Variants in RAI14 observed in about 807,000 individuals in gnomAD.
The protein encoded by RAI14 is retinoic acid induced 14.
Under a neutral mutation model 115.4 loss-of-function variants are expected in RAI14, and 45 were observed. The observed-to-expected ratio is 0.39, with a 90% CI of 0.31 to 0.50. The LOEUF is 0.50. Among genes scored for constraint, RAI14 ranks in the 20% least tolerant of loss-of-function variants. The probability of loss-of-function intolerance (pLI) is 0.85; values close to 1 mark genes in which losing one functional copy is unlikely to be tolerated. For synonymous variants in RAI14, 371 were observed against 415.4 expected (o/e 0.89, Z 1.30); for missense variants, 939 against 1,131.2 (o/e 0.83, Z 2.44).
intron 3 of RAI14, among the ~76,000 whole-genome samples, chr5:34,786,865 A>C (rs751844359): frequency 9.2e-5 from 14 of 152,194 alleles, no homozygotes; most frequent in Non-Finnish European, 1.9e-4. Flanking sequence ...TTCAGAGCTG[A>C]GAGCCTTGAA....
intron 2 of RAI14, among the ~76,000 whole-genome samples, chr5:34,726,885 TCAGGTATGTCTTTATTAG>T: frequency 6.6e-6 from 1 of 152,332 alleles, no homozygotes; most frequent in Admixed American, 6.5e-5. Context: ...TTACCTAATC[TCAGGTATGTCTTTATTAG>T]CAGCATAAGA....
At chr5:34,727,765 A>G (rs959889939) in intron 2 of RAI14, among the ~76,000 whole-genome samples, 30 of 152,188 alleles carry the variant, frequency 2.0e-4, no homozygotes, top group Non-Finnish European at 4.4e-5. Context: ...ACCTCCGCCT[A>G]GATATCAGAG....
At chr5:34,813,034 T>A (rs2064495539) in intron 10 of RAI14, among the ~76,000 whole-genome samples, 1 of 152,280 alleles carries the variant, frequency 6.6e-6, no homozygotes, top group African/African-American at 2.4e-5. Context: ...TATCTGTTTT[T>A]TTGATGAACA....
At chr5:34,687,518 T>G in intron 2 of RAI14, 1 of 1,375,712 alleles carries the variant, frequency 7.3e-7, no homozygotes. Context: ...GAAGCAGTTA[T>G]GATGTCAGAG....
chr5:34,678,693 G>A (rs1163832760), intron 1 of RAI14, among the ~76,000 whole-genome samples: 1 of 152,176 alleles, frequency 6.6e-6, no homozygotes, highest in Non-Finnish European at 1.5e-5. Flanking sequence ...GTACTTTGCT[G>A]TGGCAGCCCT....
At chr5:34,694,159 A>G (rs1738956916) in intron 2 of RAI14, among the ~76,000 whole-genome samples, 1 of 152,256 alleles carries the variant, frequency 6.6e-6, no homozygotes, top group Non-Finnish European at 1.5e-5. Flanking sequence ...CTCCTAGTCT[A>G]CACAAGCAAT....
intron 1 of RAI14, among the ~76,000 whole-genome samples, chr5:34,676,403 A>C (rs1194453597): frequency 6.6e-6 from 1 of 152,216 alleles, no homozygotes; most frequent in Non-Finnish European, 1.5e-5. Flanking sequence ...CTTAAAAATA[A>C]CCTCGATTTA....
At chr5:34,714,453 G>A (rs928084334) in intron 2 of RAI14, among the ~76,000 whole-genome samples, 5 of 152,178 alleles carry the variant, frequency 3.3e-5, no homozygotes, top group African/African-American at 1.2e-4. Flanking sequence ...GGGCATTCCA[G>A]CAAAGAAGCC....
chr5:34,785,911 A>G (rs764646878), intron 3 of RAI14, among the ~76,000 whole-genome samples: 2 of 152,152 alleles, frequency 1.3e-5, no homozygotes, highest in African/African-American at 2.4e-5. Context: ...TCCTGTTTGT[A>G]TTTGTACCCC....
At chr5:34,765,653 G>C (rs1749251446) in intron 3 of RAI14, among the ~76,000 whole-genome samples, 1 of 152,338 alleles carries the variant, frequency 6.6e-6, no homozygotes, top group South Asian at 2.1e-4. Flanking sequence ...AAGCATAAAA[G>C]TTTGGAAAAT....
intron 3 of RAI14, among the ~76,000 whole-genome samples, chr5:34,792,235 C>CTTT (rs55986330): frequency 0.14 from 18,001 of 127,336 alleles, 1,586 homozygotes; most frequent in East Asian, 0.23. Context: ...TTTCTTTTTT[C>CTTT]TTTTTTTTTT....
At chr5:34,673,799 C>T (rs1193019718) in intron 1 of RAI14, among the ~76,000 whole-genome samples, 2 of 152,182 alleles carry the variant, frequency 1.3e-5, no homozygotes, top group Non-Finnish European at 2.9e-5. Flanking sequence ...AGAACTGGGT[C>T]TTGGGCAGCT....
At chr5:34,687,687 G>C in intron 2 of RAI14, 2 of 1,551,588 alleles carry the variant, frequency 1.3e-6, no homozygotes, top group South Asian at 2.4e-5. Context: ...TGTGGAGTGG[G>C]AGAAATTAAT....
At chr5:34,793,203 C>A (rs1425353383) in intron 3 of RAI14, among the ~76,000 whole-genome samples, 1 of 152,220 alleles carries the variant, frequency 6.6e-6, no homozygotes, top group East Asian at 1.9e-4. Context: ...CACCTCACTT[C>A]TGCCTTGTAT....
At chr5:34,813,962 A>T (rs548343859) in intron 11 of RAI14, among the ~76,000 whole-genome samples, 1 of 152,186 alleles carries the variant, frequency 6.6e-6, no homozygotes, top group Non-Finnish European at 1.5e-5. Context: ...AGTTCAATTT[A>T]TTTTTAGTTC....
chr5:34,814,540 G>A (rs780748133), intron 11 of RAI14, 43 bp from the exon 12 acceptor site: 1 of 1,459,744 alleles, frequency 6.9e-7, no homozygotes, highest in Non-Finnish European at 9.6e-7. Context: ...GGAGTTTGAA[G>A]ATACATTCTT....
intron 3 of RAI14, among the ~76,000 whole-genome samples, chr5:34,769,911 A>G (rs991478693): frequency 6.6e-6 from 1 of 152,114 alleles, no homozygotes; most frequent in Non-Finnish European, 1.5e-5. Context: ...ATTTTTTAGT[A>G]GAGATGTGGG....
At chr5:34,687,573 G>A (rs1738003819) in intron 2 of RAI14, 46 of 1,457,516 alleles carry the variant, frequency 3.2e-5, no homozygotes, top group Non-Finnish European at 4.1e-5. Context: ...GAAAAACATA[G>A]CAGAGGGGTT....
At chr5:34,824,635 G>T in intron 15 of RAI14, 144 bp downstream of exon 15, 3 of 701,998 alleles carry the variant, frequency 4.3e-6, no homozygotes, top group Non-Finnish European at 6.6e-6. Context: ...TGTCACCAAA[G>T]CCACATTAAG....
Sources: allele counts gnomAD v4.1 joint callset (sites outside exome capture counted in the v4.1 genomes callset), GRCh38; gene constraint gnomAD v4.1.1; transcripts MANE v1.5; gene names NCBI Gene and HGNC (gene_info 2026-07-23, HGNC 2026-07-21).